RNF19A: variants seen among roughly 807,000 people sequenced by gnomAD.
The protein encoded by RNF19A is E3 ubiquitin-protein ligase RNF19A.
A neutral mutation model predicts 75.7 loss-of-function variants in RNF19A; 32 were observed. That is an observed-to-expected ratio of 0.42 (90% CI 0.32 to 0.57). RNF19A has a LOEUF of 0.57. Ranked by LOEUF, RNF19A falls within the 20% of genes least tolerant of loss-of-function variation. The pLI, the probability that RNF19A is intolerant of heterozygous loss-of-function variation, is 0.10. For synonymous variants in RNF19A, 335 were observed against 345.2 expected (o/e 0.97, Z 0.33); for missense variants, 782 against 1,036.3 (o/e 0.75, Z 3.37).
At chr8:100,326,240 T>A (rs566597701) in intron 1 of RNF19A, among the ~76,000 whole-genome samples, 61 of 152,214 alleles carry the variant, frequency 4.0e-4, no homozygotes, top group African/African-American at 1.4e-3. Flanking sequence ...TTCTGTTCTT[T>A]CTTCTGAACT....
intron 1 of RNF19A, among the ~76,000 whole-genome samples, chr8:100,301,742 T>G (rs948787747): frequency 3.9e-5 from 6 of 152,212 alleles, no homozygotes; most frequent in African/African-American, 1.4e-4. Flanking sequence ...TACAATTTTC[T>G]AAATATCGTC....
At chr8:100,305,128 G>A (rs906763696) in intron 1 of RNF19A, among the ~76,000 whole-genome samples, 10 of 152,090 alleles carry the variant, frequency 6.6e-5, no homozygotes, top group African/African-American at 2.4e-4. Flanking sequence ...GTAGAGGCAG[G>A]GTTTCACCAT....
chr8:100,310,330 G>T (rs985842052), upstream of RNF19A: 5 of 799,868 alleles, frequency 6.3e-6, no homozygotes, highest in Admixed American at 6.2e-5. Context: ...CGGCCCCCAC[G>T]CCTGTCCCTG....
upstream of RNF19A, chr8:100,313,381 CAAG>C (rs1370114676): frequency 3.2e-6 from 3 of 932,866 alleles, no homozygotes; most frequent in Non-Finnish European, 3.8e-6. Flanking sequence ...TTCTATAAGA[CAAG>C]AAGAAGGCAA....
chr8:100,293,772 G>C (rs1821417491), intron 1 of RNF19A, among the ~76,000 whole-genome samples: 1 of 152,136 alleles, frequency 6.6e-6, no homozygotes, highest in African/African-American at 2.4e-5. Context: ...GGGCAACTGA[G>C]GCACTGTTCT....
Position 100,261,709 on chromosome 8 carries a change from CT to C in RNF19A, c.1514del (p.Glu505GlyfsTer7). The C allele has an allele frequency of 6.2e-7, 1 of 1,614,162 alleles. No individual in the cohort carries two copies. Among genetic ancestry groups the C allele is most frequent in the Non-Finnish European group, 8.5e-7 (1 of 1,180,012 alleles). On this transcript the variant is annotated frameshift_variant, in exon 8 of 10. Transcript: ENST00000341084. LOFTEE classifies it high-confidence loss of function. The surrounding 1 kb of genome is among the most constrained non-coding windows in gnomAD (Gnocchi z 4.4). ...TGCCAGTCAGCCCACCAACACTTCCCTCCCCTATGCTTGGGTTGTGTCTTGC... is the reference window on the plus strand; with the variant it reads ...TGCCAGTCAGCCCACCAACACTTCCCCCCCTATGCTTGGGTTGTGTCTTGC... The part of the protein sequence containing the change: ...AEARHNPSIG[E>X]GSVGGLTGSL...
intron 1 of RNF19A, among the ~76,000 whole-genome samples, chr8:100,319,355 A>G (rs1373277079): frequency 2.0e-5 from 3 of 152,080 alleles, no homozygotes; most frequent in Non-Finnish European, 2.9e-5. Flanking sequence ...TAATAAATTC[A>G]TGTAGACCCT....
Position 100,258,875 on chromosome 8 carries a change from C to T in RNF19A, c.2198G>A (p.Cys733Tyr), listed in dbSNP as rs1819577983. The change falls in exon 10 of 10, where the codon TGT (cysteine) becomes TAT (tyrosine). Residue 733 changes from cysteine (C) to tyrosine (Y), a missense_variant. Physicochemically the swap from Cys to Tyr is radical, Grantham distance 194 (BLOSUM62 -2). Transcript: ENST00000341084. This position sits in a 1 kb window ranked among gnomAD's most constrained non-coding sequence, Gnocchi z 4.3. ...AGTTTTCATGCTTTCTAGGTCAGAA[C>T]AACTAAATTCAGAAAAATGACTAGA... Reference protein sequence around the residue: ...SHSSHFSEFSCSDLESMKTSC... With the variant: ...SHSSHFSEFSYSDLESMKTSC... 1.2e-6 allele frequency: 2 copies of T among 1,614,128 alleles called. No homozygotes were observed. Among genetic ancestry groups the T allele is most frequent in the African/African-American group, 2.7e-5 (2 of 75,016 alleles).
At chr8:100,313,447 C>T (rs550987501), upstream of RNF19A, 4 of 243,228 alleles carry the variant, frequency 1.6e-5, no homozygotes, top group South Asian at 6.3e-4. Context: ...AGGTCTTAGC[C>T]AGAAACACTT....
intron 1 of RNF19A, among the ~76,000 whole-genome samples, chr8:100,316,416 C>A (rs1822376674): frequency 6.6e-6 from 1 of 152,154 alleles, no homozygotes; most frequent in East Asian, 1.9e-4. Flanking sequence ...CCACCCACAT[C>A]CTGCTGATTG....
At position 100,257,355 on chromosome 8, in the gene RNF19A, GCTTTT is replaced by G. The variant is rs1030488738; in HGVS notation, c.*1196_*1200del. 3.8e-5 allele frequency: 5 copies of G among 132,822 alleles called. No homozygotes were observed. Among genetic ancestry groups the G allele is most frequent in the African/African-American group, 2.0e-4 (5 of 24,646 alleles). 8.2% of individuals were successfully genotyped at this position (132,822 alleles called of 1,614,324 possible). On this transcript the variant is annotated 3_prime_UTR_variant, in exon 10 of 10. Transcript: ENST00000341084. Reference sequence around the variant, plus strand: ...TAACTGCTATCATTGAGGTTAACCTGCTTTTATTTAAGTGAATTATACAGGAAATT... The same window carrying G: ...TAACTGCTATCATTGAGGTTAACCTGATTTAAGTGAATTATACAGGAAATT...
At chr8:100,326,287 A>C (rs1329268823) in intron 1 of RNF19A, among the ~76,000 whole-genome samples, 2 of 152,098 alleles carry the variant, frequency 1.3e-5, no homozygotes, top group Non-Finnish European at 2.9e-5. Flanking sequence ...TTAAATGCAT[A>C]CCACCTAACC....
upstream of RNF19A, among the ~76,000 whole-genome samples, chr8:100,314,225 G>A (rs1482593670): frequency 2.0e-5 from 3 of 151,664 alleles, no homozygotes; most frequent in Non-Finnish European, 4.4e-5. The surrounding 1 kb of genome is among the most constrained non-coding windows in gnomAD (Gnocchi z 4.1). Context: ...ACTATATATA[G>A]TACACTATAT....
At chr8:100,307,440 C>T (rs765466195) in intron 1 of RNF19A, among the ~76,000 whole-genome samples, 1 of 151,766 alleles carries the variant, frequency 6.6e-6, no homozygotes, top group Non-Finnish European at 1.5e-5. Context: ...AGATTAAAAA[C>T]GACAACAACA....
At chr8:100,313,902 C>CT (rs371385291), upstream of RNF19A, among the ~76,000 whole-genome samples, 2 of 132,610 alleles carry the variant, frequency 1.5e-5, no homozygotes, top group African/African-American at 3.0e-5. Flanking sequence ...AAGAGAACTA[C>CT]TTTTTTTTTG....
At chr8:100,313,408 T>TGGGGAAGAC, upstream of RNF19A, 1 of 642,838 alleles carries the variant, frequency 1.6e-6, no homozygotes, top group African/African-American at 2.0e-5. Context: ...AGTTAGGAGG[T>TGGGGAAGAC]GGGGAAGACG....
At chr8:100,304,890 G>C (rs944373994) in intron 1 of RNF19A, among the ~76,000 whole-genome samples, 1 of 152,084 alleles carries the variant, frequency 6.6e-6, no homozygotes, top group African/African-American at 2.4e-5. Flanking sequence ...GTGTTTCAAA[G>C]GCATAATTAA....
Position 100,264,141 on chromosome 8 carries a change from A to T in RNF19A, c.1361T>A (p.Leu454His). Residue 454 changes from leucine to histidine, a missense_variant, in exon 7 of 10, where the codon CTT becomes CAT. Physicochemically the swap from Leu to His is moderately conservative, Grantham distance 99. Transcript: ENST00000341084. The surrounding 1 kb of genome is among the most constrained non-coding windows in gnomAD (Gnocchi z 4.7). ...AYVYGVVPIS[L>H]CRSGGCGVSA... ...GACTCCACAACCTCCGCTTCGACAA[A>T]GAGAAATTGGAACTACGCCATAGAC... The T allele has an allele frequency of 6.2e-7, 1 of 1,613,872 alleles. No individual in the cohort carries two copies. Among genetic ancestry groups the T allele is most frequent in the Non-Finnish European group, 8.5e-7 (1 of 1,179,802 alleles).
chr8:100,310,691 A>T (rs1228328310), upstream of RNF19A, among the ~76,000 whole-genome samples: 2 of 152,218 alleles, frequency 1.3e-5, no homozygotes, highest in African/African-American at 4.8e-5. Flanking sequence ...TGTTAGGAAC[A>T]GTACTTAGCC....
Sources: gnomAD v4.1 joint callset for allele counts (sites outside exome capture counted in the v4.1 genomes callset) on GRCh38, gnomAD v4.1.1 for gene constraint, Gnocchi (gnomAD v3.1) non-coding constraint, MANE v1.5 for transcripts, NCBI Gene and HGNC (gene_info 2026-07-23, HGNC 2026-07-21) for gene names.